The following SLC22A3 variants were observed in gnomAD, a reference collection of about 807,000 sequenced individuals.
The protein encoded by SLC22A3 is solute carrier family 22 member 3, also known as EMT organic cation transporter 3.
A neutral mutation model predicts 59.1 loss-of-function variants in SLC22A3; 51 were observed. The observed-to-expected ratio is 0.86, with a 90% CI of 0.69 to 1.09. The LOEUF is 1.09. SLC22A3 is among the 50% of genes least tolerant of loss of function. The pLI, the probability that SLC22A3 is intolerant of heterozygous loss-of-function variation, is 0.00. For synonymous variants in SLC22A3, 325 were observed against 292.0 expected, an observed-to-expected ratio of 1.11 and a Z score of -1.15; for missense variants, 711 against 726.3, an observed-to-expected ratio of 0.98 and a Z score of 0.24.
chr6:160,415,982 T>C lies in SLC22A3; in HGVS notation c.975+5136T>C, dbSNP rs1787471544. On this transcript the variant is annotated intron_variant, in intron 5 of 10. Transcript: ENST00000275300. This position sits in a 1 kb window ranked among gnomAD's most constrained non-coding sequence, Gnocchi z 4.1. ...GAGAAGGGAAAATATGAGAGGAAAATAGTATGACAGATTTGATCCAACATT... is the reference window on the plus strand; with the variant it reads ...GAGAAGGGAAAATATGAGAGGAAAACAGTATGACAGATTTGATCCAACATT... Among the ~76,000 whole-genome samples, 1 of 152,096 alleles carries C rather than the reference T, an allele frequency of 6.6e-6. No individual in the cohort carries two copies. Among genetic ancestry groups the C allele is most frequent in the African/African-American group, 2.4e-5 (1 of 41,414 alleles).
chr6:160,448,484 T>C (rs1277530956), intron 10 of SLC22A3, among the ~76,000 whole-genome samples: 1 of 151,970 alleles, frequency 6.6e-6, no homozygotes, highest in Non-Finnish European at 1.5e-5. Flanking sequence ...AATAGACAGG[T>C]AGATGATAGG....
chr6:160,452,010 G>A lies in SLC22A3; in HGVS notation c.*954G>A, dbSNP rs1395024805. ...TCTTAGCACTTTGACATGTCTTGGG[G>A]AAAAGCTTACATTTTAATTTAAAAG... On this transcript the variant is annotated 3_prime_UTR_variant, in exon 11 of 11. Transcript: ENST00000275300. The A allele has an allele frequency of 6.6e-6, 1 of 152,218 alleles. No individual in the cohort carries two copies. The highest frequency in any genetic ancestry group is 1.5e-5 in the Non-Finnish European group (1 of 68,038). The allele number at this position is 152,218 out of a possible 1,614,324, so 9.4% of individuals were successfully genotyped here.
chr6:160,414,486 A>T (rs1202078224), intron 5 of SLC22A3, among the ~76,000 whole-genome samples: 2 of 152,224 alleles, frequency 1.3e-5, no homozygotes, highest in Non-Finnish European at 2.9e-5. Flanking sequence ...TATATGTTTC[A>T]ATCCTTTGCA....
chr6:160,414,176 G>C (rs1787374800), intron 5 of SLC22A3, among the ~76,000 whole-genome samples: 1 of 152,158 alleles, frequency 6.6e-6, no homozygotes. Context: ...AGAGATACCT[G>C]GTAGCTGCTT....
chr6:160,371,964 G>A (rs1258143953), intron 1 of SLC22A3, among the ~76,000 whole-genome samples: 5 of 152,024 alleles, frequency 3.3e-5, no homozygotes, highest in Admixed American at 6.6e-5. Context: ...TTGTTGGCCG[G>A]ATAAATGTCT....
In SLC22A3 at chr6:160,390,337, A is replaced by G. The variant is rs537424984; in HGVS notation, c.430-7642A>G. Among the ~76,000 whole-genome samples the G allele has an allele frequency of 6.9e-3, 1,045 of 152,290 alleles. 21 individuals are homozygous for G. The highest frequency in any genetic ancestry group is 0.024 in the African/African-American group (1,008 of 41,552). On this transcript the variant is annotated intron_variant, in intron 1 of 10. Coordinates refer to ENST00000275300, the MANE Select transcript of SLC22A3 (RefSeq NM_021977.4). ...CAGAGCGAGGAACCCCAAGCCAGCC[A>G]CAACTCCACAGCCAAGGCACTGGCC...
chr6:160,404,641 A>C (rs942049749), intron 2 of SLC22A3, among the ~76,000 whole-genome samples: 1 of 152,108 alleles, frequency 6.6e-6, no homozygotes, highest in African/African-American at 2.4e-5. Flanking sequence ...CCAACGCAGT[A>C]CTGAAGGAGA....
At chr6:160,390,797 C>T (rs1255628328) in intron 1 of SLC22A3, among the ~76,000 whole-genome samples, 2 of 152,052 alleles carry the variant, frequency 1.3e-5, no homozygotes, top group Admixed American at 6.5e-5. Flanking sequence ...AACAATATAC[C>T]AGAAACTGGG....
chr6:160,381,209 T>A lies in SLC22A3; in HGVS notation c.430-16770T>A, dbSNP rs1304449307. ...TAATACCACATGTAGGAGCTGTTCTTATTCTATGGTGGATTATTACTTTAG... is the reference window on the plus strand; with the variant it reads ...TAATACCACATGTAGGAGCTGTTCTAATTCTATGGTGGATTATTACTTTAG... On this transcript the variant is annotated intron_variant, in intron 1 of 10. Transcript: ENST00000275300. 2.0e-5 allele frequency among the ~76,000 whole-genome samples: 3 copies of A among 152,218 alleles called. No individual in the cohort carries two copies. The East Asian group carries it at 5.8e-4, about 29-fold the overall frequency.
chr6:160,370,307 A>G (rs1248465190), intron 1 of SLC22A3, among the ~76,000 whole-genome samples: 1 of 152,224 alleles, frequency 6.6e-6, no homozygotes, highest in Non-Finnish European at 1.5e-5. Flanking sequence ...TGGGGGACTC[A>G]TGCCATCTTT....
chr6:160,351,605 TGAAAG>T (rs1375820168), intron 1 of SLC22A3, among the ~76,000 whole-genome samples: 1 of 152,262 alleles, frequency 6.6e-6, no homozygotes, highest in Non-Finnish European at 1.5e-5. Context: ...TTCTGTCTGA[TGAAAG>T]GAACTGTAGT....
In SLC22A3 at chr6:160,436,893, G is replaced by A. The variant is rs1448496580; in HGVS notation, c.1073+16G>A. On this transcript the variant is annotated intron_variant, in intron 6 of 10. Transcript: ENST00000275300. ...TGTTTGCTTGGTAAGTTTGACTTGT[G>A]ATGGATTTAAAAGCTTGCGTTAAAT... 1 of 1,612,274 alleles carries A rather than the reference G, an allele frequency of 6.2e-7. No homozygotes were observed. Among genetic ancestry groups the A allele is most frequent in the Non-Finnish European group, 8.5e-7 (1 of 1,178,488 alleles).
intron 1 of SLC22A3, among the ~76,000 whole-genome samples, chr6:160,353,865 C>G (rs1784740796): frequency 6.6e-6 from 1 of 152,000 alleles, no homozygotes; most frequent in Admixed American, 6.6e-5. Flanking sequence ...AGAGAATTGC[C>G]AGTTCCACCA....
intron 1 of SLC22A3, among the ~76,000 whole-genome samples, chr6:160,377,768 T>A (rs1785654452): frequency 1.3e-5 from 2 of 152,196 alleles, no homozygotes; most frequent in Non-Finnish European, 2.9e-5. Context: ...TAAAAGTGGA[T>A]GCAAGACACA....
chr6:160,374,224 A>G (rs978202891), intron 1 of SLC22A3, among the ~76,000 whole-genome samples: 1 of 152,194 alleles, frequency 6.6e-6, no homozygotes, highest in African/African-American at 2.4e-5. Flanking sequence ...GGTTCCTCAC[A>G]GGATGGTTTC....
chr6:160,395,993 A>G (rs1786454050), intron 1 of SLC22A3, among the ~76,000 whole-genome samples: 1 of 152,146 alleles, frequency 6.6e-6, no homozygotes, highest in African/African-American at 2.4e-5. Flanking sequence ...CCACTTGGAG[A>G]TTTGCAAAGA....
At chr6:160,355,423 C>T (rs1468719125) in intron 1 of SLC22A3, among the ~76,000 whole-genome samples, 1 of 152,176 alleles carries the variant, frequency 6.6e-6, no homozygotes, top group African/African-American at 2.4e-5. Context: ...CTGTCCTCCC[C>T]TTGGGCTCTT....
intron 1 of SLC22A3, among the ~76,000 whole-genome samples, chr6:160,363,825 T>A (rs1785108317): frequency 6.6e-6 from 1 of 151,916 alleles, no homozygotes; most frequent in African/African-American, 2.4e-5. Context: ...CTGTGGGGTT[T>A]TTCCTTGATG....
intron 1 of SLC22A3, among the ~76,000 whole-genome samples, chr6:160,353,379 CT>C (rs1784724722): frequency 6.6e-6 from 1 of 152,160 alleles, no homozygotes; most frequent in Admixed American, 6.5e-5. Context: ...ATTCTAGGCA[CT>C]GGGCTAGGCT....
Sources: gnomAD v4.1 joint callset for allele counts (sites outside exome capture counted in the v4.1 genomes callset) on GRCh38, gnomAD v4.1.1 for gene constraint, Gnocchi (gnomAD v3.1) non-coding constraint, MANE v1.5 for transcripts, NCBI Gene and HGNC (gene_info 2026-07-23, HGNC 2026-07-21) for gene names.